MAP3K13: variants seen among roughly 807,000 people sequenced by gnomAD.
MAP3K13 encodes the protein mitogen-activated protein kinase kinase kinase 13.
In MAP3K13, 52 loss-of-function variants were observed where a neutral mutation model predicts 104.0. The ratio of observed to expected loss-of-function variants is 0.50; its 90% CI spans 0.40 to 0.63. The LOEUF (loss-of-function observed/expected upper bound fraction) is 0.63, where lower values mean the gene tolerates loss of function less well. Ranked by LOEUF, MAP3K13 falls within the 20% of genes least tolerant of loss-of-function variation. The probability of loss-of-function intolerance (pLI) is 0.00; values close to 1 mark genes in which losing one functional copy is unlikely to be tolerated. For synonymous variants in MAP3K13, 394 were observed against 442.2 expected (o/e 0.89, Z 1.37); for missense variants, 914 against 1,218.5 (o/e 0.75, Z 3.72).
intron 1 of MAP3K13, among the ~76,000 whole-genome samples, chr3:185,425,441 C>G (rs1195877653): frequency 6.6e-6 from 1 of 152,178 alleles, no homozygotes; most frequent in Non-Finnish European, 1.5e-5. Flanking sequence ...CTTACTAATT[C>G]TACCTCTTAA....
intron 2 of MAP3K13, chr3:185,293,114 C>CCTTTTT (rs879903965): frequency 2.8e-5 from 25 of 887,866 alleles, no homozygotes; most frequent in Non-Finnish European, 3.4e-5. Context: ...TTTTCCTTTT[C>CCTTTTT]CTTTTTCTTT....
At chr3:185,451,935 G>A (rs1715917301) in intron 7 of MAP3K13, among the ~76,000 whole-genome samples, 1 of 151,400 alleles carries the variant, frequency 6.6e-6, no homozygotes, top group Non-Finnish European at 1.5e-5. Context: ...TATCCTTATA[G>A]TGGCTCCTGG....
intron 10 of MAP3K13, among the ~76,000 whole-genome samples, chr3:185,469,107 G>T (rs575434170): frequency 2.8e-4 from 43 of 152,190 alleles, no homozygotes; most frequent in Non-Finnish European, 5.4e-4. Flanking sequence ...CGTTTCAGAT[G>T]ATTTGGACAG....
chr3:185,425,914 G>A (rs1031938205), intron 1 of MAP3K13, among the ~76,000 whole-genome samples: 6 of 152,070 alleles, frequency 3.9e-5, no homozygotes, highest in South Asian at 2.1e-4. Flanking sequence ...CTATGTGGCC[G>A]TTATCTATCG....
intron 2 of MAP3K13, among the ~76,000 whole-genome samples, chr3:185,304,446 G>T (rs923929568): frequency 6.6e-6 from 1 of 152,012 alleles, no homozygotes; most frequent in African/African-American, 2.4e-5. Flanking sequence ...GTTACCATCT[G>T]GTTTTTCTTT....
chr3:185,350,052 A>C (rs1337198861), intron 2 of MAP3K13, among the ~76,000 whole-genome samples: 1 of 152,246 alleles, frequency 6.6e-6, no homozygotes, highest in Non-Finnish European at 1.5e-5. Flanking sequence ...AATTTTTATA[A>C]GAATTTAAAA....
At chr3:185,297,228 G>A (rs577846232) in intron 2 of MAP3K13, among the ~76,000 whole-genome samples, 121 of 152,310 alleles carry the variant, frequency 7.9e-4, no homozygotes, top group African/African-American at 2.8e-3. Flanking sequence ...CTACATTTGA[G>A]AGATGGTAGT....
At chr3:185,410,434 C>G (rs1713371027) in intron 1 of MAP3K13, among the ~76,000 whole-genome samples, 1 of 152,044 alleles carries the variant, frequency 6.6e-6, no homozygotes. Flanking sequence ...CGTCCCACAG[C>G]ACTGTAGGAT....
intron 12 of MAP3K13, among the ~76,000 whole-genome samples, chr3:185,477,956 C>T (rs975200219): frequency 1.3e-5 from 2 of 152,030 alleles, no homozygotes; most frequent in Non-Finnish European, 2.9e-5. Context: ...ATTAGGGGTC[C>T]ACTCTTATGA....
In MAP3K13 at chr3:185,463,506, T is replaced by A. The variant is rs1230640862; in HGVS notation, c.1279-44T>A. ...GTGACTTTATGGATATATCAGGGATTGAAACTCCTGGAATTTATCAAAATC... is the reference window on the plus strand; with the variant it reads ...GTGACTTTATGGATATATCAGGGATAGAAACTCCTGGAATTTATCAAAATC... On this transcript the variant is annotated intron_variant, in intron 7 of 13. Coordinates refer to ENST00000265026, the MANE Select transcript of MAP3K13 (RefSeq NM_004721.5). The A allele has an allele frequency of 3.4e-6, 4 of 1,189,852 alleles. No homozygotes were observed. In the Admixed American group the frequency reaches 5.2e-5, roughly 15 times the overall value. The allele number at this position is 1,189,852 out of a possible 1,614,324, so 73.7% of individuals were successfully genotyped here.
intron 1 of MAP3K13, among the ~76,000 whole-genome samples, chr3:185,365,744 G>T (rs1008427400): frequency 8.6e-5 from 13 of 151,924 alleles, no homozygotes; most frequent in African/African-American, 3.1e-4. Context: ...TTTAGAAAAT[G>T]CAGTCTTTAC....
intron 2 of MAP3K13, among the ~76,000 whole-genome samples, chr3:185,327,955 G>T (rs1722098280): frequency 7.1e-6 from 1 of 141,616 alleles, no homozygotes; most frequent in Non-Finnish European, 1.5e-5. Context: ...AGGAAGGAGG[G>T]AGGGAGGGAG....
chr3:185,443,763 A>C (rs1003712733), intron 4 of MAP3K13, 127 bp downstream of exon 4: 48 of 747,554 alleles, frequency 6.4e-5, no homozygotes, highest in Non-Finnish European at 9.0e-5. Context: ...ACAGTGGGTA[A>C]TTCTGTTTGC....
intron 3 of MAP3K13, among the ~76,000 whole-genome samples, chr3:185,440,272 A>C (rs1327259748): frequency 6.6e-6 from 1 of 152,208 alleles, no homozygotes; most frequent in African/African-American, 2.4e-5. Flanking sequence ...GTCATAGTAC[A>C]GGGATGATGG....
At chr3:185,433,982 A>C (rs1193336811) in intron 2 of MAP3K13, among the ~76,000 whole-genome samples, 1 of 61,656 alleles carries the variant, frequency 1.6e-5, no homozygotes, top group Non-Finnish European at 6.1e-5. Flanking sequence ...GCAATGTGGA[A>C]AAAAATAATT....
chr3:185,365,229 G>A (rs1426109611), intron 1 of MAP3K13, among the ~76,000 whole-genome samples: 1 of 152,106 alleles, frequency 6.6e-6, no homozygotes, highest in Non-Finnish European at 1.5e-5. Context: ...CATGTATAGT[G>A]TACTTGTAGG....
intron 1 of MAP3K13, among the ~76,000 whole-genome samples, chr3:185,405,891 T>G (rs890527303): frequency 2.6e-5 from 4 of 152,234 alleles, no homozygotes; most frequent in Non-Finnish European, 5.9e-5. Context: ...GTCTGGCACA[T>G]GCTCAATACA....
intron 2 of MAP3K13, among the ~76,000 whole-genome samples, chr3:185,295,246 C>T (rs185182921): frequency 6.6e-6 from 1 of 152,220 alleles, no homozygotes; most frequent in Admixed American, 6.5e-5. Context: ...TGCTCTGTCG[C>T]CCAGGCTGGA....
chr3:185,451,210 C>A, intron 6 of MAP3K13, 77 bp from the exon 7 acceptor site: 1 of 1,039,994 alleles, frequency 9.6e-7, no homozygotes, highest in Non-Finnish European at 1.4e-6. Flanking sequence ...AAACAATCTT[C>A]TTCATAAAGT....
Sources: allele counts gnomAD v4.1 joint callset (sites outside exome capture counted in the v4.1 genomes callset), GRCh38; gene constraint gnomAD v4.1.1; transcripts MANE v1.5; gene names NCBI Gene and HGNC (gene_info 2026-07-23, HGNC 2026-07-21).